Variants in CTNNA2 observed in about 807,000 individuals in gnomAD.
The protein encoded by CTNNA2 is catenin alpha-2.
In CTNNA2, 42 loss-of-function variants were observed where a neutral mutation model predicts 101.0. The observed-to-expected ratio is 0.42, with a 90% CI of 0.32 to 0.54. The LOEUF (loss-of-function observed/expected upper bound fraction) is 0.54. Ranked by LOEUF, CTNNA2 falls within the 20% of genes least tolerant of loss-of-function variation. CTNNA2 has a pLI of 0.14. For missense variants in CTNNA2, 871 were observed against 1,223.1 expected (o/e 0.71, Z 4.29); for synonymous variants, 450 against 456.4 (o/e 0.99, Z 0.18).
intron 6 of CTNNA2, among the ~76,000 whole-genome samples, chr2:79,901,534 G>C (rs58957326): frequency 0.2 from 29,657 of 151,974 alleles, 3,074 homozygotes; most frequent in Non-Finnish European, 0.22. Flanking sequence ...TGGAAAAAAA[G>C]TTATGAAAAT....
At chr2:80,586,287 A>G (rs1176097721) in intron 14 of CTNNA2, 1 of 152,236 alleles carries the variant, frequency 6.6e-6, no homozygotes, top group Admixed American at 6.5e-5. Flanking sequence ...TATAGTTGAC[A>G]GAGAAGTATA....
intron 7 of CTNNA2, among the ~76,000 whole-genome samples, chr2:80,372,584 A>C (rs2149335438): frequency 6.6e-6 from 1 of 152,246 alleles, no homozygotes; most frequent in Middle Eastern, 3.4e-3. Context: ...GTATGTCATA[A>C]GAATTAAATA....
At chr2:80,066,320 C>CA (rs1173601366) in intron 7 of CTNNA2, among the ~76,000 whole-genome samples, 1 of 152,018 alleles carries the variant, frequency 6.6e-6, no homozygotes, top group Admixed American at 6.6e-5. Flanking sequence ...ACCTTAACCT[C>CA]TTACATTTGA....
intron 4 of CTNNA2, among the ~76,000 whole-genome samples, chr2:79,436,606 G>A (rs986515140): frequency 4.0e-5 from 6 of 151,858 alleles, no homozygotes; most frequent in African/African-American, 1.2e-4. Flanking sequence ...TTAAAGAATC[G>A]GTAACAGCAG....
At chr2:80,495,993 AT>A (rs1301934552) in intron 9 of CTNNA2, among the ~76,000 whole-genome samples, 1 of 151,328 alleles carries the variant, frequency 6.6e-6, no homozygotes, top group Non-Finnish European at 1.5e-5. Flanking sequence ...ACAGAGACAC[AT>A]AGGGAGAAGG....
At chr2:79,288,877 C>T (rs759245649) in intron 2 of CTNNA2, among the ~76,000 whole-genome samples, 12 of 152,124 alleles carry the variant, frequency 7.9e-5, no homozygotes, top group African/African-American at 1.4e-4. Context: ...TAATGAGACA[C>T]ATCATAAGAA....
rs1182040802 is a variant in CTNNA2 at position 79,541,344 on chromosome 2, TAC to T, written c.-6+28147_-6+28148del. Among the ~76,000 whole-genome samples the T allele has an allele frequency of 4.2e-4, 60 of 142,410 alleles. 1 individual carries two copies. The South Asian group carries it at 6.4e-3, about 15-fold the overall frequency. The allele number at this position is 142,410 out of a possible 152,430, so 93.4% of individuals were successfully genotyped here. ...CAGATATCCTATATATATATATATATACACACACACAATGTTTACACATATGT... is the reference window on the plus strand; with the variant it reads ...CAGATATCCTATATATATATATATATACACACACAATGTTTACACATATGT... On this transcript the variant is annotated intron_variant, in intron 1 of 18. Transcript: ENST00000402739.
intron 6 of CTNNA2, among the ~76,000 whole-genome samples, chr2:79,878,060 TGTG>T (rs1229027506): frequency 6.6e-6 from 1 of 152,142 alleles, no homozygotes; most frequent in African/African-American, 2.4e-5. Context: ...AATGAGAACA[TGTG>T]GTGTTTGGTG....
At chr2:79,371,092 G>A (rs148667125) in intron 3 of CTNNA2, among the ~76,000 whole-genome samples, 1 of 152,090 alleles carries the variant, frequency 6.6e-6, no homozygotes, top group African/African-American at 2.4e-5. Flanking sequence ...CTCCCCTTAG[G>A]AGGCCTGGAA....
At chr2:79,612,064 A>G (rs1274301758) in intron 1 of CTNNA2, among the ~76,000 whole-genome samples, 1 of 152,162 alleles carries the variant, frequency 6.6e-6, no homozygotes, top group East Asian at 1.9e-4. Context: ...AGAATGCTTT[A>G]TGCTCAGCAC....
chr2:79,307,169 A>C (rs926175408), intron 2 of CTNNA2, among the ~76,000 whole-genome samples: 1 of 152,194 alleles, frequency 6.6e-6, no homozygotes, highest in Admixed American at 6.5e-5. Flanking sequence ...TGATACATAT[A>C]ATGTATAGGG....
intron 12 of CTNNA2, 137 bp downstream of exon 12, chr2:80,556,030 G>A (rs1397698296): frequency 3.8e-6 from 2 of 527,662 alleles, no homozygotes; most frequent in Non-Finnish European, 6.3e-6. Flanking sequence ...TGGAATACTT[G>A]AGTGTTCTCT....
At chr2:80,478,625 G>A (rs1298748431) in intron 9 of CTNNA2, among the ~76,000 whole-genome samples, 1 of 152,010 alleles carries the variant, frequency 6.6e-6, no homozygotes, top group African/African-American at 2.4e-5. Flanking sequence ...ACTATTTGTT[G>A]AATAGAGTGT....
At chr2:79,278,592 G>A (rs371467961) in intron 2 of CTNNA2, among the ~76,000 whole-genome samples, 32 of 152,116 alleles carry the variant, frequency 2.1e-4, no homozygotes, top group East Asian at 7.8e-4. Flanking sequence ...ATAAGTCCCC[G>A]TTGTACTTGT....
chr2:79,944,264 C>G (rs1688345574), intron 7 of CTNNA2, among the ~76,000 whole-genome samples: 1 of 152,164 alleles, frequency 6.6e-6, no homozygotes, highest in Non-Finnish European at 1.5e-5. Flanking sequence ...ACCCTAACAC[C>G]TTGAAACAAC....
At position 79,893,126 on chromosome 2, in the gene CTNNA2, AT is replaced by A. The variant is rs565668884; in HGVS notation, c.853-16467del. ...TTCACATATGATAGGTAGTAAAAAA[AT>A]ATTTGAGAATAGTTGATTGTGCCAG... is the stretch of plus-strand genomic sequence containing the variant. On this transcript the variant is annotated intron_variant, in intron 6 of 18. Transcript: ENST00000402739. Among the ~76,000 whole-genome samples, 604 of 152,248 alleles carry A rather than the reference AT, an allele frequency of 4.0e-3. 2 individuals carry two copies. The highest frequency in any genetic ancestry group is 6.8e-3 in the Non-Finnish European group (464 of 68,004).
intron 4 of CTNNA2, among the ~76,000 whole-genome samples, chr2:79,469,871 G>T (rs995066415): frequency 1.3e-5 from 2 of 152,090 alleles, no homozygotes; most frequent in African/African-American, 4.8e-5. Context: ...CTATTGATGG[G>T]ATGTATCTCA....
At chr2:79,296,799 G>A (rs1030814799) in intron 2 of CTNNA2, among the ~76,000 whole-genome samples, 3 of 152,076 alleles carry the variant, frequency 2.0e-5, no homozygotes, top group African/African-American at 7.2e-5. Context: ...GCTTGGGGAA[G>A]CTTGCATGGG....
At chr2:79,256,192 A>G (rs1674841709) in intron 2 of CTNNA2, among the ~76,000 whole-genome samples, 1 of 152,144 alleles carries the variant, frequency 6.6e-6, no homozygotes, top group Non-Finnish European at 1.5e-5. Flanking sequence ...CTTGTCACTC[A>G]CCTCCAAATG....
Sources: allele counts gnomAD v4.1 joint callset (sites outside exome capture counted in the v4.1 genomes callset), GRCh38; gene constraint gnomAD v4.1.1; transcripts MANE v1.5; gene names NCBI Gene and HGNC (gene_info 2026-07-23, HGNC 2026-07-21).